RASAL2: variants seen among roughly 807,000 people sequenced by gnomAD.
The protein encoded by RASAL2 is RAS protein activator like 2, also known as ras GTPase-activating protein nGAP.
In RASAL2, 58 loss-of-function variants were observed where a neutral mutation model predicts 128.9. The observed-to-expected ratio is 0.45, with a 90% CI of 0.36 to 0.56. RASAL2 has a LOEUF of 0.56. Among genes scored for constraint, RASAL2 ranks in the 20% least tolerant of loss-of-function variants. RASAL2 has a pLI of 0.00. For synonymous variants in RASAL2, 561 were observed against 580.8 expected, an observed-to-expected ratio of 0.97 and a Z score of 0.49; for missense variants, 1,360 against 1,601.6, an observed-to-expected ratio of 0.85 and a Z score of 2.57.
At chr1:178,371,322 C>CACACACACACACACACACACACACACA (rs1671685261) in intron 3 of RASAL2, among the ~76,000 whole-genome samples, 3 of 124,372 alleles carry the variant, frequency 2.4e-5, no homozygotes, top group African/African-American at 8.4e-5. Context: ...GCCTTCTTTC[C>CACACACACACACACACACACACACACA]CACACACACA....
chr1:178,255,937 A>G (rs529448968), intron 1 of RASAL2, among the ~76,000 whole-genome samples: 1 of 152,314 alleles, frequency 6.6e-6, no homozygotes, highest in Non-Finnish European at 1.5e-5. Context: ...TACGTTTTCT[A>G]CAGGAGACAC....
chr1:178,335,374 A>G (rs989388180), intron 3 of RASAL2, among the ~76,000 whole-genome samples: 1 of 152,218 alleles, frequency 6.6e-6, no homozygotes, highest in South Asian at 2.1e-4. Flanking sequence ...TTAATATTAA[A>G]TATGTTTAAA....
chr1:178,108,921 A>G (rs1325646392), intron 1 of RASAL2, among the ~76,000 whole-genome samples: 1 of 152,238 alleles, frequency 6.6e-6, no homozygotes, highest in African/African-American at 2.4e-5. Context: ...TATTTAAAAA[A>G]GGTTAAAGTC....
intron 3 of RASAL2, among the ~76,000 whole-genome samples, chr1:178,348,060 A>G (rs1034295587): frequency 4.6e-5 from 7 of 152,182 alleles, no homozygotes; most frequent in African/African-American, 1.7e-4. Flanking sequence ...ATACTCACTG[A>G]GTGATTCCAT....
chr1:178,473,316 G>C lies in RASAL2; in HGVS notation c.*77G>C. The C allele has an allele frequency of 6.5e-7, 1 of 1,536,894 alleles. No individual in the cohort carries two copies. Among genetic ancestry groups the C allele is most frequent in the Non-Finnish European group, 8.9e-7 (1 of 1,119,452 alleles). On this transcript the variant is annotated 3_prime_UTR_variant, in exon 18 of 18. Coordinates refer to ENST00000367649, the MANE Select transcript of RASAL2 (RefSeq NM_170692.4). Reference sequence around the variant, plus strand: ...TCCAGACCTTTACCTAGCCCCTCCAGGTTTACAGAATGTTGCTACTTCACA... The same window carrying C: ...TCCAGACCTTTACCTAGCCCCTCCACGTTTACAGAATGTTGCTACTTCACA...
At chr1:178,215,685 T>G (rs988408945) in intron 1 of RASAL2, among the ~76,000 whole-genome samples, 7 of 152,152 alleles carry the variant, frequency 4.6e-5, no homozygotes, top group Non-Finnish European at 8.8e-5. Flanking sequence ...ACTCCTCTCC[T>G]CAGAAAAGGA....
intron 3 of RASAL2, among the ~76,000 whole-genome samples, chr1:178,308,539 C>CT (rs576125039): frequency 0.038 from 4,876 of 129,974 alleles, 281 homozygotes; most frequent in African/African-American, 0.11. Context: ...CAAACATTAG[C>CT]TTTTTTTTTT....
At chr1:178,413,435 C>T (rs1572030766) in intron 4 of RASAL2, among the ~76,000 whole-genome samples, 1 of 152,184 alleles carries the variant, frequency 6.6e-6, no homozygotes, top group Non-Finnish European at 1.5e-5. Flanking sequence ...TCCAGAAACA[C>T]AGACTCATTA....
intron 1 of RASAL2, among the ~76,000 whole-genome samples, chr1:178,253,891 A>T (rs954123951): frequency 6.6e-6 from 1 of 152,174 alleles, no homozygotes; most frequent in African/African-American, 2.4e-5. Context: ...AGGGGATATG[A>T]TGGCTTAGCT....
intron 1 of RASAL2, among the ~76,000 whole-genome samples, chr1:178,166,316 A>C (rs1229116234): frequency 6.6e-6 from 1 of 152,158 alleles, no homozygotes; most frequent in Non-Finnish European, 1.5e-5. Context: ...TTTTCTATGA[A>C]ATGATAGATA....
intron 3 of RASAL2, among the ~76,000 whole-genome samples, chr1:178,365,236 C>CT (rs1429204854): frequency 6.6e-6 from 1 of 152,066 alleles, no homozygotes; most frequent in Non-Finnish European, 1.5e-5. Context: ...GAAAATTCAT[C>CT]TTAGTTTCAT....
At chr1:178,458,587 T>A (rs1249012612) in intron 14 of RASAL2, 43 bp downstream of exon 14, 3 of 1,530,112 alleles carry the variant, frequency 2.0e-6, no homozygotes, top group Non-Finnish European at 2.6e-6. Context: ...ACTTGGTCCA[T>A]CTGTTTCCTT....
At chr1:178,439,664 T>A in intron 6 of RASAL2, 89 bp downstream of exon 6, 5 of 1,186,130 alleles carry the variant, frequency 4.2e-6, no homozygotes, top group Non-Finnish European at 5.7e-6. Flanking sequence ...TGCTGTACAG[T>A]TGATGATTTA....
At chr1:178,320,753 C>T (rs1557899885) in intron 3 of RASAL2, among the ~76,000 whole-genome samples, 1 of 152,244 alleles carries the variant, frequency 6.6e-6, no homozygotes, top group Non-Finnish European at 1.5e-5. Context: ...CACCCGTCTT[C>T]TGCCTCGCTC....
At chr1:178,429,938 A>G (rs555297559) in intron 5 of RASAL2, among the ~76,000 whole-genome samples, 4 of 151,986 alleles carry the variant, frequency 2.6e-5, no homozygotes, top group Non-Finnish European at 4.4e-5. Flanking sequence ...ATCATCCTAG[A>G]CTAAGTGCCT....
At chr1:178,311,577 A>G (rs1312868530) in intron 3 of RASAL2, among the ~76,000 whole-genome samples, 1 of 151,898 alleles carries the variant, frequency 6.6e-6, no homozygotes, top group Non-Finnish European at 1.5e-5. Context: ...TTGGATTGGG[A>G]GATACTAGGC....
At chr1:178,183,775 G>C (rs560683966) in intron 1 of RASAL2, among the ~76,000 whole-genome samples, 6 of 152,318 alleles carry the variant, frequency 3.9e-5, no homozygotes, top group Admixed American at 2.0e-4. Context: ...ATACATCCAT[G>C]TGTGGGTTTC....
intron 3 of RASAL2, among the ~76,000 whole-genome samples, chr1:178,382,999 A>C (rs1672365327): frequency 6.6e-6 from 1 of 152,198 alleles, no homozygotes; most frequent in Non-Finnish European, 1.5e-5. Context: ...TGAAGCCCTA[A>C]GTTGAAGAAA....
At chr1:178,179,880 G>T (rs375003963) in intron 1 of RASAL2, among the ~76,000 whole-genome samples, 1 of 152,080 alleles carries the variant, frequency 6.6e-6, no homozygotes, top group Admixed American at 6.6e-5. Context: ...AATCTTGTTC[G>T]TACGAAATAG....
Sources: allele counts gnomAD v4.1 joint callset (sites outside exome capture counted in the v4.1 genomes callset), GRCh38; gene constraint gnomAD v4.1.1; transcripts MANE v1.5; gene names NCBI Gene and HGNC (gene_info 2026-07-23, HGNC 2026-07-21).